ABCC3: variants seen among roughly 807,000 people sequenced by gnomAD.
The protein encoded by ABCC3 is ATP-binding cassette sub-family C member 3.
ABCC3 carries 121 observed loss-of-function variants against 165.3 expected under a neutral mutation model. The observed-to-expected ratio is 0.73, with a 90% confidence interval of 0.63 to 0.85. The LOEUF is 0.85. Among genes scored for constraint, ABCC3 ranks in the 40% least tolerant of loss-of-function variants. The pLI is 0.00. For missense variants in ABCC3, 1,869 were observed against 1,964.1 expected, an observed-to-expected ratio of 0.95 and a Z score of 0.92; for synonymous variants, 733 against 810.1, an observed-to-expected ratio of 0.90 and a Z score of 1.62.
intron 1 of ABCC3, among the ~76,000 whole-genome samples, chr17:50,643,937 C>T (rs538311898): frequency 2.0e-5 from 3 of 152,084 alleles, no homozygotes; most frequent in African/African-American, 4.8e-5. Flanking sequence ...AGGCAAGAGG[C>T]ACAAAGCTGT....
chr17:50,658,761 G>C (rs1967314283), intron 6 of ABCC3, among the ~76,000 whole-genome samples: 1 of 152,262 alleles, frequency 6.6e-6, no homozygotes, highest in African/African-American at 2.4e-5. Context: ...GAGGCTGGAA[G>C]AAGACTGTCA....
intron 1 of ABCC3, among the ~76,000 whole-genome samples, chr17:50,638,210 C>T (rs189980804): frequency 6.6e-6 from 1 of 152,272 alleles, no homozygotes; most frequent in East Asian, 1.9e-4. Context: ...TGCAGGATTC[C>T]TCTCTGTTCT....
At chr17:50,648,213 C>A (rs1337104674) in intron 1 of ABCC3, among the ~76,000 whole-genome samples, 1 of 152,098 alleles carries the variant, frequency 6.6e-6, no homozygotes, top group Non-Finnish European at 1.5e-5. Context: ...ATATTAACAC[C>A]TTTTTGGAAA....
chr17:50,665,172 T>G lies in ABCC3; in HGVS notation c.1358T>G (p.Leu453Arg), dbSNP rs1567832002. ...CCTCAGAACCTAGGTCCCTCTGTCC[T>G]GGCTGGAGTCGCTTTCATGGTCTTG... ...FLWQNLGPSV[L>R]AGVAFMVLLI... The change falls in exon 11 of 31, where the codon CTG becomes CGG. Residue 453 changes from leucine to arginine, a missense_variant. Transcript: ENST00000285238. 8 of 1,614,218 alleles carry G rather than the reference T, an allele frequency of 5.0e-6. No homozygotes were observed. The highest frequency in any genetic ancestry group is 5.9e-6 in the Non-Finnish European group (7 of 1,180,018).
At chr17:50,671,755 C>T (rs977774575) in intron 17 of ABCC3, among the ~76,000 whole-genome samples, 1 of 122,878 alleles carries the variant, frequency 8.1e-6, no homozygotes. Flanking sequence ...CACTCTGTTG[C>T]CCAGACTGTA....
chr17:50,682,771 T>G (rs1380840123), intron 26 of ABCC3, among the ~76,000 whole-genome samples: 1 of 152,200 alleles, frequency 6.6e-6, no homozygotes, highest in African/African-American at 2.4e-5. Flanking sequence ...TACTAGAACA[T>G]AAATCTCACG....
intron 8 of ABCC3, among the ~76,000 whole-genome samples, chr17:50,662,755 T>G (rs61479331): frequency 0.29 from 43,428 of 151,530 alleles, 6,962 homozygotes; most frequent in African/African-American, 0.44. Flanking sequence ...AGGTACCAGG[T>G]GTTGGGAGCT....
intron 1 of ABCC3, among the ~76,000 whole-genome samples, chr17:50,649,310 T>C (rs533547376): frequency 5.3e-5 from 8 of 152,064 alleles, no homozygotes; most frequent in Admixed American, 1.3e-4. Context: ...GAGAAAGGAA[T>C]TGATGTATAG....
At chr17:50,671,441 A>G (rs747799741) in intron 17 of ABCC3, among the ~76,000 whole-genome samples, 1 of 151,850 alleles carries the variant, frequency 6.6e-6, no homozygotes, top group Non-Finnish European at 1.5e-5. Context: ...CCACCATTCT[A>G]TTTTCTGTTC....
At chr17:50,653,885 T>C (rs1967168040) in intron 1 of ABCC3, among the ~76,000 whole-genome samples, 1 of 152,210 alleles carries the variant, frequency 6.6e-6, no homozygotes. Flanking sequence ...GGCATTTGCT[T>C]TATCTGGACA....
chr17:50,685,203 G>A (rs1968002968), intron 29 of ABCC3, among the ~76,000 whole-genome samples: 2 of 152,306 alleles, frequency 1.3e-5, no homozygotes, highest in Non-Finnish European at 2.9e-5. Context: ...AAAACCCTTT[G>A]AGGAAGCCCT....
In ABCC3 at chr17:50,691,171, G is replaced by A. The variant is rs781289518; in HGVS notation, c.4555G>A (p.Gly1519Arg). The change falls in exon 31 of 31, where the codon GGG becomes AGG. Residue 1519 changes from glycine (G) to arginine (R), a missense_variant. Physicochemically the swap from Gly to Arg is moderately radical, Grantham distance 125. Transcript: ENST00000285238. ...CATTGCAGCTAGAGGCATCTTCTAC[G>A]GGATGGCCAGAGATGCTGGACTTGC... The part of the protein sequence containing the change: ...NLIAARGIFY[G>R]MARDAGLA 24 of 1,613,954 alleles carry A rather than the reference G, an allele frequency of 1.5e-5. 1 individual carries two copies. Among genetic ancestry groups the A allele is most frequent in the East Asian group, 4.5e-5 (2 of 44,902 alleles).
rs749179820 is a variant in ABCC3 at position 50,665,209 on chromosome 17, C to T, written c.1395C>T (p.Leu465=). The T allele has an allele frequency of 1.9e-6, 3 of 1,613,430 alleles. No homozygotes were observed. Among genetic ancestry groups the T allele is most frequent in the African/African-American group, 1.3e-5 (1 of 75,042 alleles). The change falls in exon 11 of 31, where the codon CTC becomes CTT. Residue 465 remains leucine (L), a synonymous_variant. Transcript: ENST00000285238. The stretch of plus-strand genomic sequence containing the variant: ...CTTTCATGGTCTTGCTGATTCCACT[C>T]AACGGAGCTGTGGCCGTGAAGATGC... ...GVAFMVLLIP[L]NGAVAVKMRA...
chr17:50,679,711 A>T, intron 25 of ABCC3, 87 bp from the exon 26 acceptor site: 1 of 1,268,242 alleles, frequency 7.9e-7, no homozygotes, highest in South Asian at 1.3e-5. Flanking sequence ...ATGGATGGGC[A>T]CATGATCCAG....
At chr17:50,651,741 C>A (rs1048746833) in intron 1 of ABCC3, among the ~76,000 whole-genome samples, 1 of 152,106 alleles carries the variant, frequency 6.6e-6, no homozygotes, top group African/African-American at 2.4e-5. Flanking sequence ...ATAATAAAAC[C>A]TTCTGGTATA....
intron 1 of ABCC3, among the ~76,000 whole-genome samples, chr17:50,652,384 C>T (rs547817556): frequency 8.3e-5 from 11 of 133,024 alleles, no homozygotes; most frequent in Admixed American, 2.3e-4. Context: ...GAATAAGATT[C>T]GTGAAGGAGC....
At chr17:50,657,612 A>G (rs1597847544) in intron 4 of ABCC3, among the ~76,000 whole-genome samples, 1 of 152,026 alleles carries the variant, frequency 6.6e-6, no homozygotes, top group Non-Finnish European at 1.5e-5. Flanking sequence ...AGTGGCTGTG[A>G]TGTTGGGCTG....
At chr17:50,663,499 C>A (rs1967442859) in intron 8 of ABCC3, 182 bp from the exon 9 acceptor site, 9 of 635,528 alleles carry the variant, frequency 1.4e-5, no homozygotes, top group Non-Finnish European at 2.2e-5. Context: ...CAGAGTGGAG[C>A]CAGGAGGTCG....
At chr17:50,644,440 G>A (rs1966960298) in intron 1 of ABCC3, among the ~76,000 whole-genome samples, 1 of 150,894 alleles carries the variant, frequency 6.6e-6, no homozygotes, top group African/African-American at 2.4e-5. Context: ...GGCCAGGCAT[G>A]GTGGCTCACC....
Sources: allele counts gnomAD v4.1 joint callset (sites outside exome capture counted in the v4.1 genomes callset), GRCh38; gene constraint gnomAD v4.1.1; transcripts MANE v1.5; gene names NCBI Gene and HGNC (gene_info 2026-07-23, HGNC 2026-07-21).